GARNL3: variants seen among roughly 807,000 people sequenced by gnomAD.
The protein encoded by GARNL3 is GTPase activating Rap/RanGAP domain like 3, also known as GTPase-activating Rap/Ran-GAP domain-like protein 3.
A neutral mutation model predicts 125.0 loss-of-function variants in GARNL3; 63 were observed. The ratio of observed to expected loss-of-function variants is 0.50; its 90% CI spans 0.41 to 0.62. The LOEUF (loss-of-function observed/expected upper bound fraction) is 0.62. Among genes scored for constraint, GARNL3 ranks in the 20% least tolerant of loss-of-function variants. The pLI is 0.00. For synonymous variants in GARNL3, 439 were observed against 457.5 expected (o/e 0.96, Z 0.52); for missense variants, 994 against 1,244.0 (o/e 0.80, Z 3.02).
intron 25 of GARNL3, among the ~76,000 whole-genome samples, chr9:127,387,918 G>C (rs1281470759): frequency 6.6e-6 from 1 of 152,176 alleles, no homozygotes; most frequent in Non-Finnish European, 1.5e-5. Context: ...GGCTGAGGCA[G>C]ATGGATCGCT....
chr9:127,388,819 A>C, intron 25 of GARNL3, 85 bp from the exon 26 acceptor site: 1 of 837,630 alleles, frequency 1.2e-6, no homozygotes. Flanking sequence ...CCTTCATGCT[A>C]TGTTAAGGAA....
intron 2 of GARNL3, among the ~76,000 whole-genome samples, chr9:127,248,295 C>T (rs764850884): frequency 3.9e-5 from 6 of 152,214 alleles, no homozygotes; most frequent in Non-Finnish European, 5.9e-5. Flanking sequence ...GCCCACAGAG[C>T]TTGTGTATTA....
At position 127,250,763 on chromosome 9, in the gene GARNL3, G is replaced by C. The variant is rs112848523; in HGVS notation, c.143+7514G>C. ...ATCATTCAAGGTGACACAGAGTTAA[G>C]GATGCTGCTCATAGACTGCAAGCAC... On this transcript the variant is annotated intron_variant, in intron 2 of 10. Transcript: ENST00000439286. Among the ~76,000 whole-genome samples the C allele has an allele frequency of 2.6e-5, 4 of 152,232 alleles. 1 individual carries two copies. Among genetic ancestry groups the C allele is most frequent in the African/African-American group, 9.6e-5 (4 of 41,546 alleles).
chr9:127,338,422 G>A (rs1283866131), intron 12 of GARNL3, among the ~76,000 whole-genome samples: 2 of 152,152 alleles, frequency 1.3e-5, no homozygotes, highest in Non-Finnish European at 2.9e-5. Flanking sequence ...TGATATATTT[G>A]ATCTTCATCC....
At chr9:127,341,474 T>G (rs1396461666) in intron 13 of GARNL3, among the ~76,000 whole-genome samples, 1 of 152,134 alleles carries the variant, frequency 6.6e-6, no homozygotes, top group Non-Finnish European at 1.5e-5. Context: ...AAGCTGAAAT[T>G]GTATGTGAAA....
chr9:127,276,525 A>G (rs2063961764), intron 1 of GARNL3, among the ~76,000 whole-genome samples: 1 of 152,142 alleles, frequency 6.6e-6, no homozygotes, highest in Non-Finnish European at 1.5e-5. Context: ...CCAGATCCAT[A>G]TATTGAGTCC....
In GARNL3 at chr9:127,392,229, G is replaced by A. The variant is rs1340403745; in HGVS notation, c.2871-854G>A. ...CCTCAGGGACTTTGCATTCTAGTGT[G>A]GGAAAACAGACAGCCAACCTGTAAA... On this transcript the variant is annotated intron_variant, in intron 27 of 27. Coordinates refer to ENST00000373387, the MANE Select transcript of GARNL3 (RefSeq NM_032293.5). This position sits in a 1 kb window ranked among gnomAD's most constrained non-coding sequence, Gnocchi z 5.2. 1.3e-5 allele frequency among the ~76,000 whole-genome samples: 2 copies of A among 152,218 alleles called. No homozygotes were observed. Among genetic ancestry groups the A allele is most frequent in the Non-Finnish European group, 2.9e-5 (2 of 68,046 alleles).
At chr9:127,387,871 C>T (rs547864461) in intron 25 of GARNL3, among the ~76,000 whole-genome samples, 44 of 152,132 alleles carry the variant, frequency 2.9e-4, no homozygotes, top group South Asian at 2.7e-3. Flanking sequence ...CTGGGCTAGG[C>T]GCTGTGGCTC....
chr9:127,304,752 G>C (rs2064901568), intron 2 of GARNL3, among the ~76,000 whole-genome samples: 1 of 151,946 alleles, frequency 6.6e-6, no homozygotes, highest in South Asian at 2.1e-4. Flanking sequence ...GGCCAGACTG[G>C]TCTCGAACTC....
rs117217068 is a variant in GARNL3 at position 127,373,752 on chromosome 9, G to A, written c.2161+8386G>A. Reference sequence around the variant, plus strand: ...TTTAGAAGGACTCCTGGCTGGGCGCGATGGCTCATGCCTGTAATCCCAACA... The same window carrying A: ...TTTAGAAGGACTCCTGGCTGGGCGCAATGGCTCATGCCTGTAATCCCAACA... On this transcript the variant is annotated intron_variant, in intron 22 of 27. Transcript: ENST00000373387. Among the ~76,000 whole-genome samples, 420 of 152,364 alleles carry A rather than the reference G, an allele frequency of 2.8e-3. 4 individuals carry two copies. The East Asian group carries it at 0.051, about 19-fold the overall frequency.
intron 1 of GARNL3, among the ~76,000 whole-genome samples, chr9:127,239,583 A>G (rs931040503): frequency 6.6e-6 from 1 of 152,166 alleles, no homozygotes; most frequent in Non-Finnish European, 1.5e-5. Context: ...CTTTTTTCCT[A>G]GAGTGCCAAG....
intron 8 of GARNL3, 110 bp from the exon 9 acceptor site, chr9:127,332,913 A>G (rs1482389030): frequency 2.6e-6 from 2 of 774,158 alleles, no homozygotes; most frequent in African/African-American, 1.7e-5. Context: ...GCTGTTTACC[A>G]TGCATGAATC....
At chr9:127,350,512 C>T (rs772832483) in intron 17 of GARNL3, among the ~76,000 whole-genome samples, 3 of 151,980 alleles carry the variant, frequency 2.0e-5, no homozygotes, top group African/African-American at 4.8e-5. Context: ...CAGTGGCTCA[C>T]GCCTGTAATC....
intron 1 of GARNL3, among the ~76,000 whole-genome samples, chr9:127,233,662 T>C (rs1049369060): frequency 7.9e-5 from 12 of 152,236 alleles, no homozygotes; most frequent in Admixed American, 5.9e-4. Context: ...GAATTACAAA[T>C]GGAAAACATA....
chr9:127,344,656 A>G (rs1369712333), intron 15 of GARNL3, among the ~76,000 whole-genome samples: 1 of 152,216 alleles, frequency 6.6e-6, no homozygotes, highest in Non-Finnish European at 1.5e-5. Context: ...AATTTTCTGA[A>G]GAGTGAGGAG....
chr9:127,354,116 C>T (rs1830554508), intron 18 of GARNL3, among the ~76,000 whole-genome samples, 172 bp downstream of exon 18: 1 of 152,048 alleles, frequency 6.6e-6, no homozygotes, highest in South Asian at 2.1e-4. Flanking sequence ...GGGAGGGAAG[C>T]CGTTGGGGGA....
At chr9:127,376,728 T>C (rs1831940113) in intron 22 of GARNL3, among the ~76,000 whole-genome samples, 1 of 152,050 alleles carries the variant, frequency 6.6e-6, no homozygotes, top group Non-Finnish European at 1.5e-5. Flanking sequence ...AGAAGAACAA[T>C]TTTGTAGTTG....
chr9:127,322,511 G>T (rs2131521536), intron 6 of GARNL3, among the ~76,000 whole-genome samples: 1 of 152,148 alleles, frequency 6.6e-6, no homozygotes, highest in African/African-American at 2.4e-5. Context: ...TTTGTATTTT[G>T]GCTTTTTTCC....
intron 1 of GARNL3, among the ~76,000 whole-genome samples, chr9:127,290,621 C>T (rs964904426): frequency 6.6e-6 from 1 of 152,170 alleles, no homozygotes; most frequent in Non-Finnish European, 1.5e-5. Flanking sequence ...ACATTGGGCC[C>T]CTTGGAGACT....
Sources: allele counts gnomAD v4.1 joint callset (sites outside exome capture counted in the v4.1 genomes callset), GRCh38; gene constraint gnomAD v4.1.1; non-coding constraint Gnocchi (gnomAD v3.1); transcripts MANE v1.5; gene names NCBI Gene and HGNC (gene_info 2026-07-23, HGNC 2026-07-21).